Variants in TIAM1 observed in about 807,000 individuals in gnomAD.
TIAM1 encodes the protein TIAM Rac1 associated GEF 1.
TIAM1 carries 65 observed loss-of-function variants against 163.5 expected under a neutral mutation model. The observed-to-expected ratio is 0.40, with a 90% CI of 0.33 to 0.49. The LOEUF is 0.49. Among genes scored for constraint, TIAM1 ranks in the 20% least tolerant of loss-of-function variants. The probability of loss-of-function intolerance (pLI) is 0.77; values close to 1 mark genes in which losing one functional copy is unlikely to be tolerated. For missense variants in TIAM1, 1,789 were observed against 2,044.7 expected (o/e 0.87, Z 2.41); for synonymous variants, 833 against 810.1 (o/e 1.03, Z -0.48).
intron 11 of TIAM1, among the ~76,000 whole-genome samples, chr21:31,204,878 C>T (rs1221611079): frequency 2.0e-5 from 3 of 152,224 alleles, no homozygotes; most frequent in African/African-American, 7.2e-5. Context: ...CCCAACCTTT[C>T]TCCTCTCCTG....
chr21:31,435,126 A>T (rs1041691824), intron 2 of TIAM1, among the ~76,000 whole-genome samples: 1 of 152,148 alleles, frequency 6.6e-6, no homozygotes, highest in Non-Finnish European at 1.5e-5. Flanking sequence ...CACTGGCCAC[A>T]CCACCCCTTT....
chr21:31,128,989 T>C (rs541445377), intron 25 of TIAM1, among the ~76,000 whole-genome samples: 1 of 152,208 alleles, frequency 6.6e-6, no homozygotes, highest in East Asian at 1.9e-4. Flanking sequence ...AAAACAGAAA[T>C]TGGATAGTAG....
At chr21:31,158,686 A>AT (rs1271231533) in intron 16 of TIAM1, among the ~76,000 whole-genome samples, 1 of 151,930 alleles carries the variant, frequency 6.6e-6, no homozygotes, top group Non-Finnish European at 1.5e-5. Flanking sequence ...ACCCCCCCAA[A>AT]TTTTTTTTGG....
intron 1 of TIAM1, among the ~76,000 whole-genome samples, chr21:31,468,802 G>A (rs574394844): frequency 2.6e-5 from 4 of 152,070 alleles, no homozygotes; most frequent in Admixed American, 2.0e-4. Context: ...GAAGGGCGAC[G>A]TGCTAAATAC....
chr21:31,452,518 C>T, intron 2 of TIAM1: 1 of 574,048 alleles, frequency 1.7e-6, no homozygotes, highest in Non-Finnish European at 3.2e-6. Context: ...AAGCCAGATA[C>T]CTGGATTGGA....
intron 2 of TIAM1, among the ~76,000 whole-genome samples, chr21:31,295,131 G>C (rs2074184244): frequency 6.6e-6 from 1 of 152,176 alleles, no homozygotes; most frequent in Non-Finnish European, 1.5e-5. Flanking sequence ...CATGGTTCAA[G>C]ATTCCACACA....
At chr21:31,281,257 A>G (rs1274605254) in intron 2 of TIAM1, among the ~76,000 whole-genome samples, 1 of 152,156 alleles carries the variant, frequency 6.6e-6, no homozygotes, top group Admixed American at 6.5e-5. Flanking sequence ...CTTCATAAAT[A>G]AAGTGACTTT....
At chr21:31,477,412 C>T (rs1034150735) in intron 1 of TIAM1, among the ~76,000 whole-genome samples, 2 of 151,446 alleles carry the variant, frequency 1.3e-5, no homozygotes, top group African/African-American at 2.4e-5. Flanking sequence ...GATTCTTGTA[C>T]AATATCCACG....
At chr21:31,269,966 C>T (rs949214621) in intron 3 of TIAM1, among the ~76,000 whole-genome samples, 6 of 152,086 alleles carry the variant, frequency 3.9e-5, no homozygotes, top group Admixed American at 1.3e-4. Context: ...CCACCACGCC[C>T]GGCCGATGAA....
chr21:31,480,878 C>A (rs1260232550), intron 1 of TIAM1, among the ~76,000 whole-genome samples: 1 of 152,134 alleles, frequency 6.6e-6, no homozygotes, highest in South Asian at 2.1e-4. Flanking sequence ...CTCAGGCTCC[C>A]GAATAGCTGT....
chr21:31,554,397 T>C (rs998859241), intron 1 of TIAM1, among the ~76,000 whole-genome samples: 4 of 152,094 alleles, frequency 2.6e-5, no homozygotes, highest in Non-Finnish European at 4.4e-5. Flanking sequence ...CACTTCCCCC[T>C]CCCTTTCATC....
intron 2 of TIAM1, among the ~76,000 whole-genome samples, chr21:31,295,167 G>A (rs116670158): frequency 0.015 from 2,214 of 152,268 alleles, 68 homozygotes; most frequent in African/African-American, 0.05. Flanking sequence ...GAAGGTTTAA[G>A]ACTTCTTAAA....
intron 2 of TIAM1, among the ~76,000 whole-genome samples, chr21:31,430,277 T>C (rs935172611): frequency 0.03 from 4,368 of 144,672 alleles, 307 homozygotes; most frequent in African/African-American, 0.11. Flanking sequence ...CACACACATA[T>C]ATATATATAT....
chr21:31,398,215 T>G (rs1355308916), intron 2 of TIAM1, among the ~76,000 whole-genome samples: 2 of 150,650 alleles, frequency 1.3e-5, no homozygotes, highest in Non-Finnish European at 2.9e-5. Flanking sequence ...GAAACTAGGT[T>G]GAAATGACCA....
At chr21:31,545,535 G>A (rs1056625092) in intron 1 of TIAM1, among the ~76,000 whole-genome samples, 5 of 152,158 alleles carry the variant, frequency 3.3e-5, no homozygotes, top group Admixed American at 2.0e-4. Flanking sequence ...CAATCCTAGA[G>A]AAAAGCTGAA....
chr21:31,125,132 A>G lies in TIAM1; in HGVS notation c.4134-438T>C, dbSNP rs547549584. On this transcript the variant is annotated intron_variant, in intron 26 of 27. Coordinates refer to ENST00000541036, the MANE Select transcript of TIAM1 (RefSeq NM_001353694.2). The stretch of plus-strand genomic sequence containing the variant: ...CTAGAGCTGAGCTCCCTCCTGGTAA[A>G]TATCAATGGTTCCCATGACACATTT... 2.0e-4 allele frequency among the ~76,000 whole-genome samples: 30 copies of G among 152,190 alleles called. No individual in the cohort carries two copies. The South Asian group carries it at 6.2e-3, about 32-fold the overall frequency.
chr21:31,426,563 A>C (rs1266507742), intron 2 of TIAM1, among the ~76,000 whole-genome samples: 3 of 152,242 alleles, frequency 2.0e-5, no homozygotes, highest in African/African-American at 7.2e-5. Flanking sequence ...CTTAAAACTC[A>C]GAAGTCAGTG....
chr21:31,120,318 G>A lies in TIAM1; in HGVS notation c.*50C>T. On this transcript the variant is annotated 3_prime_UTR_variant, in exon 28 of 28. Coordinates refer to ENST00000541036, the MANE Select transcript of TIAM1 (RefSeq NM_001353694.2). The surrounding 1 kb of genome is among the most constrained non-coding windows in gnomAD (Gnocchi z 4.2). ...TCGACGGTACAGGAGGGTGGGCAGA[G>A]TTAGGGCAGGAAGTATCTACACACA... 6.5e-7 allele frequency: 1 copy of A among 1,528,090 alleles called. No individual in the cohort carries two copies. The allele number at this position is 1,528,090 out of a possible 1,614,324, so 94.7% of individuals were successfully genotyped here.
Position 31,450,777 on chromosome 21 carries a change from G to A in TIAM1, c.-369+13206C>T, listed in dbSNP as rs186458542. Among the ~76,000 whole-genome samples, 87 of 152,242 alleles carry A rather than the reference G, an allele frequency of 5.7e-4. 2 individuals carry two copies. Among genetic ancestry groups the A allele is most frequent in the African/African-American group, 1.9e-3 (81 of 41,550 alleles). On this transcript the variant is annotated intron_variant, in intron 2 of 28. Transcript: ENST00000286827. ...GCAAGAGAGAGAATGAGAGCCAAGC[G>A]GAAAGGGTTTCCCCTTTTAAAACCA...
Sources: allele counts gnomAD v4.1 joint callset (sites outside exome capture counted in the v4.1 genomes callset), GRCh38; gene constraint gnomAD v4.1.1; non-coding constraint Gnocchi (gnomAD v3.1); transcripts MANE v1.5; gene names NCBI Gene and HGNC (gene_info 2026-07-23, HGNC 2026-07-21).